The following ZFHX3 variants were observed in gnomAD, a reference collection of about 807,000 sequenced individuals.
The protein encoded by ZFHX3 is zinc finger homeobox 3.
A neutral mutation model predicts 279.1 loss-of-function variants in ZFHX3; 42 were observed. The ratio of observed to expected loss-of-function variants is 0.15; its 90% CI spans 0.12 to 0.19. The LOEUF (loss-of-function observed/expected upper bound fraction) is 0.19, where lower values mean the gene tolerates loss of function less well. Ranked by LOEUF, ZFHX3 falls within the 10% of genes least tolerant of loss-of-function variation. The pLI is 1.00. For synonymous variants in ZFHX3, 2,293 were observed against 1,957.8 expected, an observed-to-expected ratio of 1.17 and a Z score of -4.52; for missense variants, 4,981 against 4,754.0, an observed-to-expected ratio of 1.05 and a Z score of -1.40.
chr16:73,029,679 A>AG (rs1964625913), intron 1 of ZFHX3, among the ~76,000 whole-genome samples: 1 of 152,236 alleles, frequency 6.6e-6, no homozygotes, highest in African/African-American at 2.4e-5. Context: ...TCACAAGGCC[A>AG]TCGCCCAAGT....
At chr16:73,749,661 G>A (rs2053741420) in intron 1 of ZFHX3, among the ~76,000 whole-genome samples, 1 of 152,156 alleles carries the variant, frequency 6.6e-6, no homozygotes, top group Non-Finnish European at 1.5e-5. Flanking sequence ...AACTGTGTTG[G>A]AGTGTCCCAG....
intron 7 of ZFHX3, among the ~76,000 whole-genome samples, chr16:73,107,240 G>A (rs755240238): frequency 3.9e-5 from 6 of 152,036 alleles, no homozygotes; most frequent in Non-Finnish European, 7.4e-5. Flanking sequence ...AATCTAGGAG[G>A]CAGAGGTTGC....
intron 1 of ZFHX3, among the ~76,000 whole-genome samples, chr16:73,702,097 T>C (rs769827639): frequency 2.6e-5 from 4 of 152,092 alleles, no homozygotes; most frequent in Non-Finnish European, 4.4e-5. Context: ...AGTGCAGTGT[T>C]GCCGTGAGCA....
At chr16:73,713,784 G>A (rs983670891) in intron 1 of ZFHX3, among the ~76,000 whole-genome samples, 1 of 152,066 alleles carries the variant, frequency 6.6e-6, no homozygotes, top group Non-Finnish European at 1.5e-5. Context: ...GCAAGCGAGC[G>A]ATACAAATCC....
chr16:73,589,414 C>A (rs1445673368), intron 2 of ZFHX3, among the ~76,000 whole-genome samples: 2 of 141,696 alleles, frequency 1.4e-5, no homozygotes, highest in African/African-American at 5.3e-5. Flanking sequence ...CTAAACTGGG[C>A]AGCAGAGCAA....
chr16:73,791,213 C>T (rs1281234864), intron 1 of ZFHX3, among the ~76,000 whole-genome samples: 4 of 151,934 alleles, frequency 2.6e-5, no homozygotes, highest in Non-Finnish European at 4.4e-5. Flanking sequence ...AATCCTCCTG[C>T]CTCAGCCACC....
intron 9 of ZFHX3, chr16:72,789,723 G>C (rs1309410968): frequency 6.6e-6 from 1 of 152,222 alleles, no homozygotes; most frequent in African/African-American, 2.4e-5. Context: ...TGGCCCAGCT[G>C]ACCTGCTTCA....
intron 1 of ZFHX3, among the ~76,000 whole-genome samples, chr16:73,768,744 T>C (rs1469756351): frequency 1.3e-5 from 2 of 152,184 alleles, no homozygotes; most frequent in Non-Finnish European, 2.9e-5. Context: ...CAACTACTCT[T>C]TCATTCCACA....
chr16:73,644,225 C>G lies in ZFHX3; in HGVS notation c.-1547+35955G>C, dbSNP rs369462447. 3.2e-4 allele frequency among the ~76,000 whole-genome samples: 48 copies of G among 152,218 alleles called. No individual in the cohort carries two copies. In the South Asian group the frequency reaches 9.5e-3, roughly 30 times the overall value. ...AAATGCAAACACATGTTGATGACTT[C>G]CGAGTCCTCCTTTCCTTGCTCTGAA... On this transcript the variant is annotated intron_variant, in intron 2 of 17. Transcript: ENST00000641206.
At chr16:73,816,092 C>T (rs987287613) in intron 1 of ZFHX3, 3 of 152,138 alleles carry the variant, frequency 2.0e-5, no homozygotes, top group Non-Finnish European at 4.4e-5. Context: ...TCTAAGTAAC[C>T]AGCTAGCACA....
intron 4 of ZFHX3, among the ~76,000 whole-genome samples, chr16:73,283,775 C>G (rs1429276502): frequency 6.6e-6 from 1 of 152,108 alleles, no homozygotes; most frequent in Non-Finnish European, 1.5e-5. Flanking sequence ...GAGACATTAT[C>G]TCTACTAAAA....
rs139308595 is a variant in ZFHX3 at position 73,855,856 on chromosome 16, T to C, written c.-1608+35795A>G. On this transcript the variant is annotated intron_variant, in intron 1 of 17. Transcript: ENST00000641206. ...TGGATATCTGGGGCAAGGTTTTCCATACAGATAACACAGTGCTGCACTAAA... is the reference window on the plus strand; with the variant it reads ...TGGATATCTGGGGCAAGGTTTTCCACACAGATAACACAGTGCTGCACTAAA... Among the ~76,000 whole-genome samples, 409 of 152,288 alleles carry C rather than the reference T, an allele frequency of 2.7e-3. 4 individuals carry two copies. The highest frequency in any genetic ancestry group is 4.2e-3 in the Non-Finnish European group (283 of 68,022).
In ZFHX3 at chr16:73,642,263, T is replaced by A. The variant is rs148359772; in HGVS notation, c.-1547+37917A>T. Among the ~76,000 whole-genome samples the A allele has an allele frequency of 1.7e-4, 26 of 152,292 alleles. No homozygotes were observed. In the East Asian group the frequency reaches 5.0e-3, roughly 29 times the overall value. ...TCTTTGCCTGCAGCTCTGCTCTAAG[T>A]CTTTGAGAGGATACAGATGGAGCCT... On this transcript the variant is annotated intron_variant, in intron 2 of 17. Transcript: ENST00000641206.
intron 1 of ZFHX3, among the ~76,000 whole-genome samples, chr16:73,012,822 T>G (rs1183496676): frequency 6.6e-6 from 1 of 152,230 alleles, no homozygotes; most frequent in Non-Finnish European, 1.5e-5. Context: ...TCTTCCATGA[T>G]GTTATTAACA....
At chr16:73,887,326 G>A (rs549546063) in intron 1 of ZFHX3, among the ~76,000 whole-genome samples, 17 of 152,164 alleles carry the variant, frequency 1.1e-4, no homozygotes, top group Non-Finnish European at 1.9e-4. Context: ...TTAATAGTAT[G>A]GTGACCATTC....
At chr16:73,187,120 G>A (rs1006013708) in intron 5 of ZFHX3, among the ~76,000 whole-genome samples, 5 of 149,302 alleles carry the variant, frequency 3.3e-5, no homozygotes, top group African/African-American at 1.2e-4. Flanking sequence ...GAAGAGAGGC[G>A]GGGGGATGGA....
intron 5 of ZFHX3, among the ~76,000 whole-genome samples, chr16:73,164,819 C>T (rs1967321479): frequency 6.6e-6 from 1 of 152,098 alleles, no homozygotes; most frequent in African/African-American, 2.4e-5. Flanking sequence ...GTTTAATCCT[C>T]ACAATGACTT....
chr16:73,001,069 G>T (rs1963479926), intron 1 of ZFHX3, among the ~76,000 whole-genome samples: 1 of 152,178 alleles, frequency 6.6e-6, no homozygotes. Flanking sequence ...CTTACCAACA[G>T]CATGCAAATG....
intron 1 of ZFHX3, among the ~76,000 whole-genome samples, chr16:73,759,619 CT>C (rs1435203159): frequency 6.6e-6 from 1 of 152,158 alleles, no homozygotes; most frequent in Non-Finnish European, 1.5e-5. Context: ...GAGATAAACT[CT>C]TTAAGGACTC....
Sources: allele counts gnomAD v4.1 joint callset (sites outside exome capture counted in the v4.1 genomes callset), GRCh38; gene constraint gnomAD v4.1.1; transcripts MANE v1.5; gene names NCBI Gene and HGNC (gene_info 2026-07-23, HGNC 2026-07-21).